The following LRMDA variants were observed in gnomAD, a reference collection of about 807,000 sequenced individuals.
LRMDA encodes the protein leucine-rich melanocyte differentiation-associated protein.
A neutral mutation model predicts 29.8 loss-of-function variants in LRMDA; 18 were observed. That is an observed-to-expected ratio of 0.60 (90% CI 0.42 to 0.90). The LOEUF is 0.90. LRMDA is among the 40% of genes least tolerant of loss of function. The probability of loss-of-function intolerance (pLI) is 0.00; values close to 1 mark genes in which losing one functional copy is unlikely to be tolerated. For missense variants in LRMDA, 273 were observed against 273.9 expected, an observed-to-expected ratio of 1.00 and a Z score of 0.02; for synonymous variants, 125 against 109.4, an observed-to-expected ratio of 1.14 and a Z score of -0.89.
intron 5 of LRMDA, among the ~76,000 whole-genome samples, chr10:76,313,139 C>T (rs1013099389): frequency 2.0e-5 from 3 of 152,204 alleles, no homozygotes; most frequent in African/African-American, 7.2e-5. Flanking sequence ...AGTAGTTACC[C>T]AAGAACTTAA....
rs529826407 is a variant in LRMDA at position 76,081,254 on chromosome 10, T to C, written c.516+22471T>C. On this transcript the variant is annotated intron_variant, in intron 5 of 6. Coordinates refer to ENST00000611255, the MANE Select transcript of LRMDA (RefSeq NM_001305581.2). ...ACTTTGGGAGGCCAAGGTGGGAGGA[T>C]TGTTTGAGCCCAGGAGTTCAAGAAA... Among the ~76,000 whole-genome samples the C allele has an allele frequency of 2.1e-3, 323 of 152,296 alleles. 2 individuals carry two copies. Among genetic ancestry groups the C allele is most frequent in the African/African-American group, 7.2e-3 (298 of 41,564 alleles).
chr10:76,386,579 C>A (rs925255889), intron 6 of LRMDA, among the ~76,000 whole-genome samples: 5 of 151,996 alleles, frequency 3.3e-5, no homozygotes, highest in African/African-American at 1.2e-4. Context: ...TTAACACCTA[C>A]AAGATAACAG....
At chr10:75,493,997 TC>T in intron 2 of LRMDA, among the ~76,000 whole-genome samples, 1 of 152,084 alleles carries the variant, frequency 6.6e-6, no homozygotes, top group East Asian at 1.9e-4. Context: ...CAAGTGATCC[TC>T]CCACCTTGGC....
At chr10:75,583,309 G>T (rs1403788844) in intron 2 of LRMDA, among the ~76,000 whole-genome samples, 1 of 152,158 alleles carries the variant, frequency 6.6e-6, no homozygotes, top group Non-Finnish European at 1.5e-5. Flanking sequence ...GGTTTAATTG[G>T]CTCACAGTTC....
intron 5 of LRMDA, among the ~76,000 whole-genome samples, chr10:76,264,506 T>C (rs1589400939): frequency 6.9e-6 from 1 of 145,866 alleles, no homozygotes; most frequent in Admixed American, 7.0e-5. Flanking sequence ...AGTGGCATGG[T>C]CATTTTAGTT....
At chr10:75,800,675 ATATT>A (rs1359596833) in intron 2 of LRMDA, among the ~76,000 whole-genome samples, 2 of 152,134 alleles carry the variant, frequency 1.3e-5, no homozygotes, top group Non-Finnish European at 2.9e-5. Flanking sequence ...GTTCTTGAAA[ATATT>A]TATTATAACT....
chr10:76,159,825 G>A (rs1850610709), intron 5 of LRMDA, among the ~76,000 whole-genome samples: 1 of 152,118 alleles, frequency 6.6e-6, no homozygotes, highest in African/African-American at 2.4e-5. Context: ...TTCTAGAAAA[G>A]GCAAAACTAT....
intron 2 of LRMDA, among the ~76,000 whole-genome samples, chr10:75,909,991 C>T (rs1845817523): frequency 6.6e-6 from 1 of 152,136 alleles, no homozygotes; most frequent in Admixed American, 6.5e-5. Context: ...TTCTATGCAC[C>T]ACTCAAGTTC....
At chr10:75,804,466 G>A (rs576266836) in intron 2 of LRMDA, among the ~76,000 whole-genome samples, 1 of 152,326 alleles carries the variant, frequency 6.6e-6, no homozygotes, top group Non-Finnish European at 1.5e-5. Context: ...CAAAAAATCA[G>A]GCCTGCCGAT....
chr10:76,360,081 C>T (rs1329494903), intron 6 of LRMDA, among the ~76,000 whole-genome samples: 10 of 152,112 alleles, frequency 6.6e-5, no homozygotes, highest in Admixed American at 3.3e-4. Flanking sequence ...CGCAACCTCC[C>T]GGGTTCAAGT....
chr10:75,515,024 A>G (rs1005678395), intron 2 of LRMDA, among the ~76,000 whole-genome samples: 2 of 152,334 alleles, frequency 1.3e-5, no homozygotes, highest in Middle Eastern at 3.4e-3. Flanking sequence ...TGGCATATCC[A>G]TATAATGGAA....
intron 6 of LRMDA, among the ~76,000 whole-genome samples, chr10:76,428,823 C>A (rs1342127574): frequency 6.6e-6 from 1 of 152,096 alleles, no homozygotes; most frequent in Non-Finnish European, 1.5e-5. Context: ...CAACTTAAGG[C>A]TCTGCCAGGC....
chr10:76,277,329 T>A (rs181391354), intron 5 of LRMDA, among the ~76,000 whole-genome samples: 16 of 152,312 alleles, frequency 1.1e-4, no homozygotes, highest in Admixed American at 9.2e-4. Flanking sequence ...TTGTTTTACT[T>A]TTCCCCATCC....
chr10:76,144,167 C>T (rs963978351), intron 5 of LRMDA, among the ~76,000 whole-genome samples: 20 of 152,180 alleles, frequency 1.3e-4, no homozygotes, highest in South Asian at 4.2e-4. Flanking sequence ...ATTGACTTGG[C>T]GATGCGGGCT....
At chr10:76,487,797 G>A (rs1842796977) in intron 6 of LRMDA, among the ~76,000 whole-genome samples, 1 of 151,884 alleles carries the variant, frequency 6.6e-6, no homozygotes, top group Non-Finnish European at 1.5e-5. Context: ...AGATCACACA[G>A]CTACTAAGTG....
chr10:75,596,738 C>A (rs1336511274), intron 2 of LRMDA, among the ~76,000 whole-genome samples: 1 of 152,080 alleles, frequency 6.6e-6, no homozygotes, highest in African/African-American at 2.4e-5. Context: ...TATTGCTAAC[C>A]GTAGTCATCC....
intron 2 of LRMDA, among the ~76,000 whole-genome samples, chr10:75,783,529 T>C (rs760324629): frequency 6.6e-5 from 10 of 151,536 alleles, no homozygotes; most frequent in Non-Finnish European, 1.5e-4. Context: ...TCTGGTTTTA[T>C]AGGATAGGGT....
intron 2 of LRMDA, among the ~76,000 whole-genome samples, chr10:75,961,295 T>G (rs964781935): frequency 2.0e-5 from 3 of 152,272 alleles, no homozygotes; most frequent in Non-Finnish European, 4.4e-5. Flanking sequence ...TTATAGCACC[T>G]GCATTTTCCA....
chr10:75,991,865 G>A (rs1377417965), intron 2 of LRMDA, among the ~76,000 whole-genome samples: 2 of 152,162 alleles, frequency 1.3e-5, no homozygotes, highest in African/African-American at 4.8e-5. Context: ...GACCTCCTAG[G>A]AGGACAGCAG....
Sources: gnomAD v4.1 joint callset for allele counts (sites outside exome capture counted in the v4.1 genomes callset) on GRCh38, gnomAD v4.1.1 for gene constraint, MANE v1.5 for transcripts, NCBI Gene and HGNC (gene_info 2026-07-23, HGNC 2026-07-21) for gene names.